ZNF516: variants seen among roughly 807,000 people sequenced by gnomAD.
The protein encoded by ZNF516 is zinc finger protein 516.
In ZNF516, 19 loss-of-function variants were observed where a neutral mutation model predicts 79.7. That is an observed-to-expected ratio of 0.24 (90% confidence interval 0.17 to 0.35). ZNF516 has a LOEUF of 0.35. Among genes scored for constraint, ZNF516 ranks in the 10% least tolerant of loss-of-function variants. The pLI, the probability that ZNF516 is intolerant of heterozygous loss-of-function variation, is 1.00. For missense variants in ZNF516, 1,678 were observed against 1,679.5 expected (o/e 1.00, Z 0.02); for synonymous variants, 877 against 739.5 (o/e 1.19, Z -3.02).
At position 76,402,097 on chromosome 18, in the gene ZNF516, G is replaced by T. The variant is rs2075237979; in HGVS notation, c.1811-21794C>A. On this transcript the variant is annotated intron_variant, in intron 3 of 6. Transcript: ENST00000443185. ...AGGGAGGGGAGGGCTTCTCTGAAAAGAAATTGTATATGCACAAGCCTTAGC... is the reference window on the plus strand; with the variant it reads ...AGGGAGGGGAGGGCTTCTCTGAAAATAAATTGTATATGCACAAGCCTTAGC... Among the ~76,000 whole-genome samples the T allele has an allele frequency of 2.0e-5, 3 of 150,356 alleles. No individual in the cohort carries two copies. The South Asian group carries it at 6.4e-4, about 32-fold the overall frequency.
At position 76,362,321 on chromosome 18, in the gene ZNF516, G is replaced by A; in HGVS notation, c.*177C>T. ...ATTTCTGAACGTTTAACAAGGAGAG[G>A]CATCTGCCTTCAGTTTCCACTCCAG... On this transcript the variant is annotated 3_prime_UTR_variant, in exon 7 of 7. Coordinates refer to ENST00000443185, the MANE Select transcript of ZNF516 (RefSeq NM_014643.4). The A allele has an allele frequency of 1.8e-6, 1 of 548,574 alleles. No homozygotes were observed. Among genetic ancestry groups the A allele is most frequent in the Non-Finnish European group, 3.4e-6 (1 of 297,768 alleles). 34.0% of individuals were successfully genotyped at this position (548,574 alleles called of 1,614,324 possible).
chr18:76,379,652 G>A lies in ZNF516; in HGVS notation c.2462C>T (p.Ala821Val). 1 of 1,613,662 alleles carries A rather than the reference G, an allele frequency of 6.2e-7. No homozygotes were observed. The highest frequency in any genetic ancestry group is 8.5e-7 in the Non-Finnish European group (1 of 1,179,902). ...SRSGRTGPPP[A>V]LGGKECQPLL... The stretch of plus-strand genomic sequence containing the variant: ...AGGCTGGCATTCTTTGCCACCGAGG[G>A]CAGGCGGGGGGCCCGTGCGTCCGCT... The change falls in exon 4 of 7, where the codon GCC (alanine) becomes GTC (valine). Residue 821 changes from alanine (A) to valine (V), a missense_variant. Ala to Val is a moderately conservative substitution (Grantham distance 64). Coordinates refer to ENST00000443185, the MANE Select transcript of ZNF516 (RefSeq NM_014643.4).
intron 3 of ZNF516, among the ~76,000 whole-genome samples, chr18:76,415,091 G>A (rs1370993080): frequency 2.0e-5 from 3 of 152,202 alleles, no homozygotes; most frequent in Non-Finnish European, 4.4e-5. Context: ...CCAGCCACTG[G>A]AGAGGCTGAG....
At chr18:76,494,698 C>G (rs1015586886) in intron 1 of ZNF516, among the ~76,000 whole-genome samples, 18 of 152,036 alleles carry the variant, frequency 1.2e-4, no homozygotes, top group Non-Finnish European at 2.4e-4. Flanking sequence ...CATCACCCAC[C>G]TTCATTAGCC....
In ZNF516 at chr18:76,441,797, G is replaced by T; in HGVS notation, c.1258C>A (p.Gln420Lys). 6.4e-7 allele frequency: 1 copy of T among 1,560,126 alleles called. No homozygotes were observed. The highest frequency in any genetic ancestry group is 8.6e-7 in the Non-Finnish European group (1 of 1,159,708). The change falls in exon 3 of 7, where the codon CAG becomes AAG. Residue 420 changes from glutamine to lysine, a missense_variant. This residue lies in a region of ZNF516 where 1,294 missense variants were observed against 1,248.3 expected (regional missense o/e 1.04). Transcript: ENST00000443185. The part of the protein sequence containing the change: ...LDPVNSYQAW[Q>K]LATRGKVAEP... Reference sequence around the variant, plus strand: ...GCCACCTTACCCCGCGTGGCCAGCTGCCAGGCCTGGTAGCTGTTGACCGGG... The same window carrying T: ...GCCACCTTACCCCGCGTGGCCAGCTTCCAGGCCTGGTAGCTGTTGACCGGG...
intron 4 of ZNF516, among the ~76,000 whole-genome samples, chr18:76,374,066 T>C (rs1403170841): frequency 2.0e-5 from 3 of 152,180 alleles, no homozygotes; most frequent in Non-Finnish European, 4.4e-5. Flanking sequence ...GTGCTATCCA[T>C]AGAGAAAGAG....
upstream of ZNF516, chr18:76,496,403 G>C (rs774283205): frequency 2.3e-6 from 3 of 1,289,698 alleles, no homozygotes; most frequent in Non-Finnish European, 2.0e-6. Flanking sequence ...TACCTCAGCG[G>C]CGGCGTCTCT....
In ZNF516 at chr18:76,379,716, A is replaced by T; in HGVS notation, c.2398T>A (p.Tyr800Asn). The T allele has an allele frequency of 6.2e-7, 1 of 1,613,776 alleles. No individual in the cohort carries two copies. The highest frequency in any genetic ancestry group is 1.1e-5 in the South Asian group (1 of 91,078). Residue 800 changes from tyrosine (Y) to asparagine (N), a missense_variant, in exon 4 of 7, where the codon TAC (tyrosine) becomes AAC (asparagine). Tyr to Asn is a moderately radical substitution (Grantham distance 143). Coordinates refer to ENST00000443185, the MANE Select transcript of ZNF516 (RefSeq NM_014643.4). ...VAPPWIQPNG[Y>N]KSIRSNLVFL... is the part of the protein sequence containing the mutation. ...ACCAAATTGCTTCTGATGCTTTTGT[A>T]ACCATTGGGCTGAATCCACGGGGGA...
chr18:76,441,262 G>T lies in ZNF516; in HGVS notation c.1793C>A (p.Ala598Asp). Residue 598 changes from alanine to aspartate, a missense_variant, in exon 3 of 7, where the codon GCC (alanine) becomes GAC (aspartate). By Grantham distance (126) the Ala-to-Asp change is moderately radical (BLOSUM62 -2). Transcript: ENST00000443185. ...EAAEDSGEEG[A>D]PEPAPGGQPR... ...TTGCTCACCTGGTGCAGGTTCAGGG[G>T]CGCCCTCCTCACCACTGTCTTCGGC... 1 of 1,610,126 alleles carries T rather than the reference G, an allele frequency of 6.2e-7. No homozygotes were observed. Among genetic ancestry groups the T allele is most frequent in the Non-Finnish European group, 8.5e-7 (1 of 1,179,064 alleles).
intron 1 of ZNF516, among the ~76,000 whole-genome samples, chr18:76,466,905 G>A (rs1913509812): frequency 6.6e-6 from 1 of 152,232 alleles, no homozygotes; most frequent in Non-Finnish European, 1.5e-5. Flanking sequence ...GTGAACGTGG[G>A]GAGCAAACAT....
rs188017763 is a variant in ZNF516, at chr18:76,460,581, C to T, written c.-158+2447G>A. Among the ~76,000 whole-genome samples, 8 of 151,884 alleles carry T rather than the reference C, an allele frequency of 5.3e-5. No individual in the cohort carries two copies. The East Asian group carries it at 1.4e-3, about 26-fold the overall frequency. On this transcript the variant is annotated intron_variant, in intron 2 of 6. Transcript: ENST00000443185. ...GAGCAGCTGGCAAGTCGGCCACTGA[C>T]CAGTAAAAAAACTGGGAGGAAGGTG...
intron 1 of ZNF516, among the ~76,000 whole-genome samples, chr18:76,479,832 G>T (rs533821788): frequency 6.6e-6 from 1 of 152,304 alleles, no homozygotes; most frequent in South Asian, 2.1e-4. Context: ...CCACACCCAG[G>T]ACCCTGACAC....
intron 1 of ZNF516, among the ~76,000 whole-genome samples, chr18:76,481,667 T>C (rs1228261490): frequency 2.0e-5 from 3 of 152,310 alleles, no homozygotes; most frequent in South Asian, 4.1e-4. Flanking sequence ...GCATATTAAA[T>C]AACACATATA....
rs368603906 is a variant in ZNF516, at chr18:76,379,997, G to A, written c.2117C>T (p.Pro706Leu). The stretch of plus-strand genomic sequence containing the variant: ...GTGCAAATCGGACAGCTTTTCTGCA[G>A]GGTGACCCGTCTGGCCCTCCGCTCC... The part of the protein sequence containing the change: ...STGAEGQTGH[P>L]AEKLSDLHNK... The change falls in exon 4 of 7, where the codon CCT becomes CTT. Residue 706 changes from proline (P) to leucine (L), a missense_variant. Coordinates refer to ENST00000443185, the MANE Select transcript of ZNF516 (RefSeq NM_014643.4). The A allele has an allele frequency of 1.2e-6, 2 of 1,613,860 alleles. No homozygotes were observed. The highest frequency in any genetic ancestry group is 1.7e-6 in the Non-Finnish European group (2 of 1,179,880).
At chr18:76,380,428 G>A in intron 3 of ZNF516, 125 bp from the exon 4 acceptor site, 1 of 1,279,062 alleles carries the variant, frequency 7.8e-7, no homozygotes, top group East Asian at 2.5e-5. Context: ...CCACCCTTGA[G>A]TCTGGGTGGC....
chr18:76,389,976 C>T (rs951988920), intron 3 of ZNF516, among the ~76,000 whole-genome samples: 2 of 152,170 alleles, frequency 1.3e-5, no homozygotes, highest in South Asian at 2.1e-4. Context: ...AGTATGTCTC[C>T]CGGTTCACGC....
chr18:76,441,081 G>A (rs990498456), intron 3 of ZNF516, among the ~76,000 whole-genome samples, 164 bp downstream of exon 3: 13 of 152,188 alleles, frequency 8.5e-5, no homozygotes, highest in Non-Finnish European at 1.6e-4. Flanking sequence ...ACCCGGGTGT[G>A]GAGTCCTGAG....
At chr18:76,455,701 T>C (rs1347478274) in intron 2 of ZNF516, among the ~76,000 whole-genome samples, 2 of 152,326 alleles carry the variant, frequency 1.3e-5, no homozygotes, top group Non-Finnish European at 2.9e-5. Flanking sequence ...AGACTACTTA[T>C]AAACTTACTC....
intron 1 of ZNF516, among the ~76,000 whole-genome samples, chr18:76,484,257 T>C (rs1169421362): frequency 1.3e-5 from 2 of 152,254 alleles, no homozygotes; most frequent in East Asian, 3.8e-4. Flanking sequence ...TAAATCTTTC[T>C]GCATTTCAGT....
Sources: gnomAD v4.1 joint callset for allele counts (sites outside exome capture counted in the v4.1 genomes callset) on GRCh38, gnomAD v4.1.1 for gene constraint, gnomAD v4.1.1 regional missense constraint, MANE v1.5 for transcripts, NCBI Gene and HGNC (gene_info 2026-07-23, HGNC 2026-07-21) for gene names.